Variants in MYO5A observed in about 807,000 individuals in gnomAD.
The protein encoded by MYO5A is myosin VA.
Under a neutral mutation model 249.7 loss-of-function variants are expected in MYO5A, and 98 were observed. The observed-to-expected ratio is 0.39, with a 90% CI of 0.33 to 0.46. The LOEUF (loss-of-function observed/expected upper bound fraction) is 0.46. Among genes scored for constraint, MYO5A ranks in the 20% least tolerant of loss-of-function variants. MYO5A has a pLI of 0.98. For missense variants in MYO5A, 1,696 were observed against 2,308.8 expected (o/e 0.73, Z 5.44); for synonymous variants, 778 against 810.6 (o/e 0.96, Z 0.68).
chr15:52,366,856 C>A (rs2040837378), intron 23 of MYO5A, among the ~76,000 whole-genome samples, 175 bp downstream of exon 23: 1 of 152,162 alleles, frequency 6.6e-6, no homozygotes, highest in African/African-American at 2.4e-5. Context: ...GCAACGAATT[C>A]AACCAAAATA....
At chr15:52,479,127 C>G (rs1219434544) in intron 1 of MYO5A, among the ~76,000 whole-genome samples, 1 of 151,924 alleles carries the variant, frequency 6.6e-6, no homozygotes, top group Non-Finnish European at 1.5e-5. Flanking sequence ...TCCTGAGTAG[C>G]TGGAATTACC....
chr15:52,456,378 T>C (rs1405480299), intron 1 of MYO5A, among the ~76,000 whole-genome samples: 2 of 152,138 alleles, frequency 1.3e-5, no homozygotes, highest in African/African-American at 4.8e-5. Context: ...TTTGTTAAAA[T>C]GCCAGTATCA....
intron 1 of MYO5A, among the ~76,000 whole-genome samples, chr15:52,502,522 C>G (rs902997978): frequency 1.3e-5 from 2 of 152,202 alleles, no homozygotes; most frequent in Non-Finnish European, 2.9e-5. Flanking sequence ...TACAAACTCT[C>G]TTTCTCACTC....
intron 1 of MYO5A, among the ~76,000 whole-genome samples, chr15:52,478,004 C>T (rs547822595): frequency 2.0e-5 from 3 of 152,330 alleles, no homozygotes; most frequent in East Asian, 3.9e-4. Context: ...TGCCCTGCCC[C>T]CAGAGGTGGA....
At chr15:52,319,448 C>G in intron 38 of MYO5A, 106 bp from the exon 39 acceptor site, 1 of 1,293,096 alleles carries the variant, frequency 7.7e-7, no homozygotes, top group Non-Finnish European at 1.1e-6. Flanking sequence ...GGAAAATTAG[C>G]TGGGCACGGT....
At chr15:52,431,230 T>TAAAAAAAAAAAA (rs1567119481) in intron 2 of MYO5A, among the ~76,000 whole-genome samples, 1 of 670 alleles carries the variant, frequency 1.5e-3, no homozygotes, top group Non-Finnish European at 6.3e-3. Context: ...AAATTCCGTC[T>TAAAAAAAAAAAA]CAAAAAAAAA....
intron 1 of MYO5A, among the ~76,000 whole-genome samples, chr15:52,485,459 G>C (rs1724580): frequency 9.2e-5 from 14 of 152,124 alleles, no homozygotes; most frequent in African/African-American, 3.4e-4. Flanking sequence ...CTCTGCACGA[G>C]ACCTCTGATT....
chr15:52,490,137 G>A (rs1467540686), intron 1 of MYO5A, among the ~76,000 whole-genome samples: 1 of 152,156 alleles, frequency 6.6e-6, no homozygotes, highest in Admixed American at 6.6e-5. Context: ...TCTGCACCCT[G>A]GTAATGTAAA....
At position 52,522,566 on chromosome 15, in the gene MYO5A, C is replaced by T. The variant is rs141439119; in HGVS notation, c.27+6214G>A. Among the ~76,000 whole-genome samples the T allele has an allele frequency of 3.3e-5, 5 of 152,312 alleles. No individual in the cohort carries two copies. In the East Asian group the frequency reaches 9.6e-4, roughly 29 times the overall value. On this transcript the variant is annotated intron_variant, in intron 1 of 41. Coordinates refer to ENST00000399233, the MANE Select transcript of MYO5A (RefSeq NM_001382347.1). ...AGACTTCCAACAGTACCTCATACTT[C>T]ACTGGGAATTGCCTGAAGTGGAGAC...
chr15:52,341,921 G>C (rs112028888), intron 31 of MYO5A, among the ~76,000 whole-genome samples: 33 of 152,266 alleles, frequency 2.2e-4, no homozygotes, highest in African/African-American at 7.5e-4. Context: ...ATATTTAACG[G>C]GTTGAATTTG....
intron 1 of MYO5A, among the ~76,000 whole-genome samples, chr15:52,512,036 G>A (rs1050551892): frequency 1.3e-5 from 2 of 151,940 alleles, no homozygotes; most frequent in Non-Finnish European, 2.9e-5. Context: ...GGTGGCAGGC[G>A]CCTGTAGTCC....
intron 1 of MYO5A, among the ~76,000 whole-genome samples, chr15:52,443,686 C>T (rs1669864): frequency 1.9e-4 from 27 of 144,444 alleles, no homozygotes; most frequent in Middle Eastern, 7.3e-3. Context: ...TTAGCCTGGG[C>T]GACAGGGCAA....
chr15:52,472,443 G>A (rs979658394), intron 1 of MYO5A, among the ~76,000 whole-genome samples: 1 of 151,704 alleles, frequency 6.6e-6, no homozygotes, highest in African/African-American at 2.4e-5. Flanking sequence ...TGTGCACAAC[G>A]TGCAGGTTTG....
In MYO5A at chr15:52,327,858, T is replaced by C. The variant is rs2038684053; in HGVS notation, c.4704A>G (p.Val1568=). The C allele has an allele frequency of 1.2e-6, 2 of 1,613,648 alleles. No homozygotes were observed. Among genetic ancestry groups the C allele is most frequent in the Non-Finnish European group, 8.5e-7 (1 of 1,179,544 alleles). ...TTGTTGAACAGGAACTGACCTTCAA[T>C]ACTTTTTTGATGCTGTTAATTGTTG... ...LTSTINSIKK[V]LKKRGDDFET... The change falls in exon 36 of 42, where the codon GTA becomes GTG. Residue 1568 remains valine, a synonymous_variant. Coordinates refer to ENST00000399233, the MANE Select transcript of MYO5A (RefSeq NM_001382347.1).
intron 11 of MYO5A, among the ~76,000 whole-genome samples, chr15:52,395,211 T>A (rs993637627): frequency 6.6e-6 from 1 of 152,328 alleles, no homozygotes; most frequent in Non-Finnish European, 1.5e-5. Context: ...TTCTGATTTA[T>A]CACTATGAAA....
intron 13 of MYO5A, 100 bp downstream of exon 13, chr15:52,389,138 T>C: frequency 7.7e-7 from 1 of 1,293,102 alleles, no homozygotes; most frequent in Non-Finnish European, 1.1e-6. Flanking sequence ...CCCTAAAGAA[T>C]GCAAACATCA....
At chr15:52,369,994 T>C (rs2041020584) in intron 22 of MYO5A, among the ~76,000 whole-genome samples, 175 bp downstream of exon 22, 2 of 151,022 alleles carry the variant, frequency 1.3e-5, no homozygotes, top group Non-Finnish European at 2.9e-5. Context: ...ACCTACAGCC[T>C]ACTCATTGAT....
rs200481033 is a variant in MYO5A, at chr15:52,328,281, G to A, written c.4556-275C>T. Among the ~76,000 whole-genome samples the A allele has an allele frequency of 8.6e-5, 13 of 150,728 alleles. No individual in the cohort carries two copies. The East Asian group carries it at 2.5e-3, about 29-fold the overall frequency. On this transcript the variant is annotated intron_variant, in intron 35 of 41. Transcript: ENST00000399233. ...CTACCTTCTTGACAACTCTGCTCAG[G>A]CACATGAAACTAAGCCTCTCCCAAA...
intron 1 of MYO5A, among the ~76,000 whole-genome samples, chr15:52,435,346 G>A (rs577172124): frequency 5.0e-4 from 70 of 140,716 alleles, no homozygotes; most frequent in Admixed American, 2.5e-3. Context: ...GCACGATCTC[G>A]GCTCACTGCA....
Sources: gnomAD v4.1 joint callset for allele counts (sites outside exome capture counted in the v4.1 genomes callset) on GRCh38, gnomAD v4.1.1 for gene constraint, MANE v1.5 for transcripts, NCBI Gene and HGNC (gene_info 2026-07-23, HGNC 2026-07-21) for gene names.